EYA3: variants seen among roughly 807,000 people sequenced by gnomAD.
EYA3 encodes the protein protein phosphatase EYA3.
Under a neutral mutation model 80.0 loss-of-function variants are expected in EYA3, and 39 were observed. The ratio of observed to expected loss-of-function variants is 0.49; its 90% confidence interval spans 0.38 to 0.64. The LOEUF is 0.64. Ranked by LOEUF, EYA3 falls within the 30% of genes least tolerant of loss-of-function variation. EYA3 has a pLI of 0.00. For synonymous variants in EYA3, 206 were observed against 232.8 expected (o/e 0.88, Z 1.05); for missense variants, 523 against 676.1 (o/e 0.77, Z 2.51).
intron 11 of EYA3, among the ~76,000 whole-genome samples, chr1:28,001,093 T>C (rs1440722570): frequency 6.6e-6 from 1 of 151,404 alleles, no homozygotes; most frequent in Non-Finnish European, 1.5e-5. Context: ...TGTGTATTTA[T>C]ACACATATCT....
chr1:28,056,625 T>G (rs905047468), intron 2 of EYA3, among the ~76,000 whole-genome samples: 1 of 152,230 alleles, frequency 6.6e-6, no homozygotes, highest in Non-Finnish European at 1.5e-5. Flanking sequence ...GTGCTTCAAT[T>G]TCTTACCTTT....
At chr1:28,012,740 T>C (rs1404193124) in intron 9 of EYA3, among the ~76,000 whole-genome samples, 1 of 152,190 alleles carries the variant, frequency 6.6e-6, no homozygotes, top group African/African-American at 2.4e-5. Context: ...TAGAAAGAAC[T>C]ATGGCTCTGA....
chr1:27,979,176 T>G (rs1639142913), intron 16 of EYA3, among the ~76,000 whole-genome samples: 1 of 152,164 alleles, frequency 6.6e-6, no homozygotes, highest in East Asian at 1.9e-4. Flanking sequence ...TGAATGATTT[T>G]TGGGGTGAAA....
chr1:28,028,760 T>C (rs1345456858), intron 6 of EYA3, among the ~76,000 whole-genome samples: 1 of 151,934 alleles, frequency 6.6e-6, no homozygotes, highest in Non-Finnish European at 1.5e-5. Flanking sequence ...TTAACAAAAA[T>C]GGGATTGTGA....
intron 13 of EYA3, among the ~76,000 whole-genome samples, chr1:27,994,924 T>C (rs1339148950): frequency 2.6e-5 from 4 of 151,214 alleles, no homozygotes; most frequent in African/African-American, 7.3e-5. Context: ...GATTGCACCA[T>C]TGCACCTTAG....
chr1:28,045,359 G>A (rs72875046), intron 3 of EYA3, among the ~76,000 whole-genome samples: 263 of 152,248 alleles, frequency 1.7e-3, no homozygotes, highest in African/African-American at 3.9e-3. Flanking sequence ...AGAATTACCA[G>A]GGGAAGGGCA....
chr1:27,971,863 A>C lies in EYA3; in HGVS notation c.*2603T>G, dbSNP rs568377578. 10 of 152,178 alleles carry C rather than the reference A, an allele frequency of 6.6e-5. No homozygotes were observed. The highest frequency in any genetic ancestry group is 2.0e-4 in the Admixed American group (3 of 15,270). 9.4% of individuals were successfully genotyped at this position (152,178 alleles called of 1,614,324 possible). ...TGTTCCCTGGACAATTCATTTTGGC[A>C]AACAGCCAAGAAGCTCCTGTTTTCT... On this transcript the variant is annotated 3_prime_UTR_variant, in exon 18 of 18. Transcript: ENST00000373871.
At chr1:27,980,216 C>T (rs936589891) in intron 16 of EYA3, among the ~76,000 whole-genome samples, 8 of 152,220 alleles carry the variant, frequency 5.3e-5, no homozygotes, top group African/African-American at 1.9e-4. Context: ...CAATTCAGTT[C>T]AAACATTAAA....
chr1:28,062,379 T>C (rs1382528978), intron 1 of EYA3, among the ~76,000 whole-genome samples: 31 of 152,210 alleles, frequency 2.0e-4, no homozygotes, highest in Admixed American at 6.5e-5. Flanking sequence ...TTTTGAATAC[T>C]ATTGAGATTT....
intron 2 of EYA3, among the ~76,000 whole-genome samples, chr1:28,052,164 A>G (rs1644274674): frequency 6.6e-6 from 1 of 152,070 alleles, no homozygotes; most frequent in Non-Finnish European, 1.5e-5. Flanking sequence ...GCGTGCCACC[A>G]TGCCTGGCTA....
intron 5 of EYA3, among the ~76,000 whole-genome samples, chr1:28,038,422 A>G (rs1283056238): frequency 7.0e-6 from 1 of 142,596 alleles, no homozygotes; most frequent in East Asian, 2.1e-4. Context: ...GGCAACAAAC[A>G]GAGTGAGATT....
intron 10 of EYA3, among the ~76,000 whole-genome samples, chr1:28,005,826 C>T (rs1055466684): frequency 6.6e-6 from 1 of 152,174 alleles, no homozygotes; most frequent in African/African-American, 2.4e-5. Context: ...ACATCATGGC[C>T]GGGCATGGTG....
intron 16 of EYA3, 79 bp downstream of exon 16, chr1:27,988,456 G>A (rs962035710): frequency 1.3e-6 from 2 of 1,503,236 alleles, no homozygotes; most frequent in Non-Finnish European, 1.8e-6. Context: ...TAACAAGAGG[G>A]GCTAGAAAAT....
intron 3 of EYA3, among the ~76,000 whole-genome samples, chr1:28,044,104 G>GC (rs1315574515): frequency 6.6e-6 from 1 of 152,164 alleles, no homozygotes; most frequent in Non-Finnish European, 1.5e-5. Context: ...TAATGCTGGG[G>GC]AGATTCCACA....
rs1193292857 is a variant in EYA3 at position 28,010,738 on chromosome 1, G to T, written c.909+209C>A. 5.7e-6 allele frequency: 3 copies of T among 522,910 alleles called. No homozygotes were observed. In the East Asian group the frequency reaches 1.0e-4, roughly 18 times the overall value. 32.4% of individuals were successfully genotyped at this position (522,910 alleles called of 1,614,324 possible). ...ACTCCCTCTGCTTTCTGAATATGATGAATTGTTTCTGTTCTCTTCTGGAAT... is the reference window on the plus strand; with the variant it reads ...ACTCCCTCTGCTTTCTGAATATGATTAATTGTTTCTGTTCTCTTCTGGAAT... On this transcript the variant is annotated intron_variant, in intron 10 of 17. Transcript: ENST00000373871.
At chr1:28,042,512 G>A in intron 4 of EYA3, 59 bp downstream of exon 4, 2 of 1,459,702 alleles carry the variant, frequency 1.4e-6, no homozygotes, top group Non-Finnish European at 1.9e-6. Flanking sequence ...AACTCTATAA[G>A]AAAAGCATTA....
chr1:28,020,220 T>C (rs1488574952), intron 7 of EYA3, among the ~76,000 whole-genome samples: 2 of 152,224 alleles, frequency 1.3e-5, no homozygotes, highest in African/African-American at 4.8e-5. Flanking sequence ...GATTAGCTAG[T>C]TGATAACTCT....
intron 8 of EYA3, among the ~76,000 whole-genome samples, chr1:28,015,662 A>G (rs935501036): frequency 2.6e-5 from 4 of 152,222 alleles, no homozygotes; most frequent in African/African-American, 9.6e-5. Context: ...AAAAAACTGG[A>G]AATAAAATGA....
chr1:28,067,279 T>C (rs1644866817), intron 1 of EYA3, among the ~76,000 whole-genome samples: 1 of 152,178 alleles, frequency 6.6e-6, no homozygotes, highest in African/African-American at 2.4e-5. Context: ...ACAAACAACA[T>C]GTGAACAATA....
Sources: allele counts gnomAD v4.1 joint callset (sites outside exome capture counted in the v4.1 genomes callset), GRCh38; gene constraint gnomAD v4.1.1; transcripts MANE v1.5; gene names NCBI Gene and HGNC (gene_info 2026-07-23, HGNC 2026-07-21).